The following CAST variants were observed in gnomAD, a reference collection of about 807,000 sequenced individuals.
CAST encodes the protein calpastatin, also known as MIR583 host.
In CAST, 76 loss-of-function variants were observed where a neutral mutation model predicts 119.6. The observed-to-expected ratio is 0.64, with a 90% CI of 0.53 to 0.77. The LOEUF (loss-of-function observed/expected upper bound fraction) is 0.77. Ranked by LOEUF, CAST falls within the 30% of genes least tolerant of loss-of-function variation. The pLI, the probability that CAST is intolerant of heterozygous loss-of-function variation, is 0.00. For synonymous variants in CAST, 319 were observed against 331.6 expected (o/e 0.96, Z 0.41); for missense variants, 953 against 946.5 (o/e 1.01, Z -0.09).
the CAST span, among the ~76,000 whole-genome samples, chr5:96,187,266 GTCTAT>G: frequency 6.6e-6 from 1 of 151,696 alleles, no homozygotes; most frequent in Non-Finnish European, 1.5e-5. Context: ...CTAGCTAGAA[GTCTAT>G]TCTATTAATT....
chr5:96,523,438 G>T (rs867782372), upstream of CAST, among the ~76,000 whole-genome samples: 11 of 152,172 alleles, frequency 7.2e-5, no homozygotes, highest in Admixed American at 6.5e-5. Context: ...TAAGCTAAGT[G>T]CCACATGTTC....
the CAST span, among the ~76,000 whole-genome samples, chr5:96,189,356 G>T: frequency 2.0e-5 from 3 of 152,096 alleles, no homozygotes; most frequent in East Asian, 5.8e-4. Context: ...ATTGCTATTT[G>T]GCTGGGGATA....
the CAST span, chr5:96,411,064 G>T: frequency 6.0e-6 from 6 of 1,000,604 alleles, no homozygotes; most frequent in African/African-American, 7.9e-5. Flanking sequence ...AATCCCCAAC[G>T]ACTACATGTG....
At chr5:96,346,950 C>A in the CAST span, among the ~76,000 whole-genome samples, 7 of 152,162 alleles carry the variant, frequency 4.6e-5, no homozygotes, top group African/African-American at 1.7e-4. Flanking sequence ...AGACAAATCA[C>A]TTCTCTTTTC....
chr5:96,162,407 T>C, the CAST span, among the ~76,000 whole-genome samples: 1 of 152,038 alleles, frequency 6.6e-6, no homozygotes, highest in Admixed American at 6.6e-5. Context: ...CACGGGATGG[T>C]ATATTGTTTG....
chr5:96,120,545 T>C, the CAST span, among the ~76,000 whole-genome samples: 6 of 151,692 alleles, frequency 4.0e-5, no homozygotes, highest in African/African-American at 1.2e-4. Context: ...CTCTAACTTA[T>C]ATGTTCAGGC....
At chr5:96,039,722 A>G in the CAST span, among the ~76,000 whole-genome samples, 1 of 152,166 alleles carries the variant, frequency 6.6e-6, no homozygotes, top group South Asian at 2.1e-4. Context: ...ATTCTGTTCC[A>G]TTGGTTTATA....
the CAST span, among the ~76,000 whole-genome samples, chr5:96,429,895 A>G: frequency 6.6e-6 from 1 of 152,204 alleles, no homozygotes; most frequent in African/African-American, 2.4e-5. Context: ...CATTGGAGGA[A>G]ATACATGTTT....
intron 24 of CAST, among the ~76,000 whole-genome samples, chr5:96,758,429 T>C (rs1289507734): frequency 6.6e-6 from 1 of 152,208 alleles, no homozygotes; most frequent in East Asian, 1.9e-4. Flanking sequence ...ATAGTGAGTC[T>C]GTTAGAGTTC....
the CAST span, among the ~76,000 whole-genome samples, chr5:96,028,887 G>C: frequency 2.0e-5 from 3 of 152,096 alleles, no homozygotes; most frequent in African/African-American, 7.2e-5. Context: ...ATTGTTTAGA[G>C]TGAGACTGTG....
At chr5:96,042,123 A>T in the CAST span, among the ~76,000 whole-genome samples, 1 of 152,148 alleles carries the variant, frequency 6.6e-6, no homozygotes, top group African/African-American at 2.4e-5. Flanking sequence ...GCCAGGGCCC[A>T]CTAAATAGAG....
chr5:96,293,652 C>T, the CAST span, among the ~76,000 whole-genome samples: 2 of 152,130 alleles, frequency 1.3e-5, no homozygotes, highest in Non-Finnish European at 2.9e-5. Context: ...ACTCTAGAAG[C>T]ACTCAATTTG....
chr5:96,677,034 C>CAA (rs567872750), intron 2 of CAST, among the ~76,000 whole-genome samples: 1 of 99,462 alleles, frequency 1.0e-5, no homozygotes, highest in African/African-American at 3.8e-5. Flanking sequence ...AGCTGGGTGA[C>CAA]AAAAAAAAAA....
chr5:96,202,953 G>A, the CAST span, among the ~76,000 whole-genome samples: 1 of 151,704 alleles, frequency 6.6e-6, no homozygotes, highest in East Asian at 1.9e-4. Context: ...GATTTTTCTT[G>A]CAAAAATAAT....
intron 4 of CAST, among the ~76,000 whole-genome samples, chr5:96,726,490 T>C (rs1192484629): frequency 6.6e-6 from 1 of 152,006 alleles, no homozygotes; most frequent in African/African-American, 2.4e-5. Flanking sequence ...ATTGGATACA[T>C]AGGAAAAAAT....
At chr5:96,098,030 G>C in the CAST span, among the ~76,000 whole-genome samples, 6 of 152,208 alleles carry the variant, frequency 3.9e-5, no homozygotes, top group Non-Finnish European at 5.9e-5. Flanking sequence ...ATTCTGACTG[G>C]TGTGAGATGG....
chr5:96,225,270 C>T, the CAST span, among the ~76,000 whole-genome samples: 1 of 152,064 alleles, frequency 6.6e-6, no homozygotes, highest in East Asian at 1.9e-4. Context: ...TCCCTCCTTC[C>T]CTTCCTTTTT....
At chr5:95,967,629 A>G in the CAST span, among the ~76,000 whole-genome samples, 3,999 of 152,152 alleles carry the variant, frequency 0.026, 176 homozygotes, top group African/African-American at 0.091. Flanking sequence ...TGATGGTTTT[A>G]TAAGGAGTTT....
the CAST span, chr5:96,432,269 C>T: frequency 1.4e-6 from 1 of 725,440 alleles, no homozygotes; most frequent in Non-Finnish European, 2.3e-6. Flanking sequence ...ATTTCTCCCC[C>T]CAGCTTCCCA....
Sources: gnomAD v4.1 joint callset for allele counts (sites outside exome capture counted in the v4.1 genomes callset) on GRCh38, gnomAD v4.1.1 for gene constraint, MANE v1.5 for transcripts, NCBI Gene and HGNC (gene_info 2026-07-23, HGNC 2026-07-21) for gene names.